The following OPA1 variants were observed in gnomAD, a reference collection of about 807,000 sequenced individuals.
OPA1 encodes OPA1 mitochondrial dynamin like GTPase, also known as dynamin-like GTPase OPA1, mitochondrial.
A neutral mutation model predicts 152.9 loss-of-function variants in OPA1; 59 were observed. The ratio of observed to expected loss-of-function variants is 0.39; its 90% CI spans 0.31 to 0.48. The LOEUF is 0.48. Among genes scored for constraint, OPA1 ranks in the 20% least tolerant of loss-of-function variants. OPA1 has a pLI of 0.96. For missense variants in OPA1, 1,008 were observed against 1,216.8 expected, an observed-to-expected ratio of 0.83 and a Z score of 2.55; for synonymous variants, 400 against 389.9, an observed-to-expected ratio of 1.03 and a Z score of -0.31.
intron 1 of OPA1, among the ~76,000 whole-genome samples, chr3:193,596,184 T>G (rs1320275618): frequency 7.0e-6 from 1 of 143,696 alleles, no homozygotes; most frequent in African/African-American, 2.6e-5. Flanking sequence ...AACTTTCCTC[T>G]TATGTTTTTC....
chr3:193,688,299 C>A lies in OPA1; in HGVS notation c.2984-3764C>A, dbSNP rs201387094. ...CCTGTATTGTTCTCCAGGGGCTTCTCCAAGTGTGCGTCAATTTAGTCTTCT... is the reference window on the plus strand; with the variant it reads ...CCTGTATTGTTCTCCAGGGGCTTCTACAAGTGTGCGTCAATTTAGTCTTCT... On this transcript the variant is annotated intron_variant, in intron 29 of 30. Transcript: ENST00000361510. Among the ~76,000 whole-genome samples the A allele has an allele frequency of 2.6e-5, 4 of 152,066 alleles. No individual in the cohort carries two copies. In the East Asian group the frequency reaches 7.7e-4, roughly 29 times the overall value.
At chr3:193,683,014 G>T (rs963491466) in intron 29 of OPA1, among the ~76,000 whole-genome samples, 3 of 152,076 alleles carry the variant, frequency 2.0e-5, no homozygotes, top group African/African-American at 7.2e-5. Flanking sequence ...CTTCTGGAAA[G>T]GACTCACCAT....
intron 29 of OPA1, chr3:193,668,621 G>T (rs1224219082): frequency 6.5e-7 from 1 of 1,531,386 alleles, no homozygotes; most frequent in East Asian, 2.5e-5. Flanking sequence ...CCTGCACCAG[G>T]CCACCCTCCT....
At chr3:193,644,538 C>T (rs1223497822) in intron 16 of OPA1, among the ~76,000 whole-genome samples, 1 of 151,362 alleles carries the variant, frequency 6.6e-6, no homozygotes, top group Non-Finnish European at 1.5e-5. Flanking sequence ...GTGTAGGGAA[C>T]TGTTTACCAG....
At chr3:193,668,193 A>G (rs1409789022) in intron 29 of OPA1, 8 of 666,350 alleles carry the variant, frequency 1.2e-5, no homozygotes, top group Non-Finnish European at 1.8e-5. Flanking sequence ...CCCTTTCGAT[A>G]TTTGTCACTT....
chr3:193,684,333 T>C (rs1216979643), intron 29 of OPA1, among the ~76,000 whole-genome samples: 1 of 152,054 alleles, frequency 6.6e-6, no homozygotes, highest in Non-Finnish European at 1.5e-5. Flanking sequence ...CTCCATACAG[T>C]CTCCCATAAA....
At chr3:193,646,303 G>T (rs917938859) in intron 18 of OPA1, among the ~76,000 whole-genome samples, 1 of 152,194 alleles carries the variant, frequency 6.6e-6, no homozygotes, top group Non-Finnish European at 1.5e-5. Context: ...TCCTAGGTTA[G>T]TACGGTAAGT....
At chr3:193,612,264 C>A (rs982728263) in intron 1 of OPA1, among the ~76,000 whole-genome samples, 2 of 127,886 alleles carry the variant, frequency 1.6e-5, no homozygotes, top group Non-Finnish European at 3.2e-5. Context: ...ATCTGTCTAA[C>A]TTCCTTTTTT....
At chr3:193,672,638 G>A (rs903290318) in intron 29 of OPA1, among the ~76,000 whole-genome samples, 2 of 152,150 alleles carry the variant, frequency 1.3e-5, no homozygotes, top group South Asian at 2.1e-4. Context: ...GGAGGCCGAG[G>A]CGGGTGGATC....
intron 1 of OPA1, among the ~76,000 whole-genome samples, chr3:193,594,086 T>G (rs1328008793): frequency 3.3e-5 from 5 of 152,206 alleles, no homozygotes; most frequent in African/African-American, 1.2e-4. Flanking sequence ...ATTGTTGCCC[T>G]GGGGTGGTTT....
Position 193,659,532 on chromosome 3 carries a change from T to C in OPA1, c.2491T>C (p.Leu831=). 6.2e-7 allele frequency: 1 copy of C among 1,612,328 alleles called. No individual in the cohort carries two copies. The highest frequency in any genetic ancestry group is 8.5e-7 in the Non-Finnish European group (1 of 1,178,998). Residue 831 remains leucine, a synonymous_variant, in exon 25 of 31, where the codon TTA becomes CTA. Transcript: ENST00000361510. ...GGGTCCAGACTGGAAAAAGAGGTGG[T>C]TATACTGGAAGAATCGGACCCAAGA... ...MVGPDWKKRW[L]YWKNRTQEQC...
At chr3:193,594,587 C>T (rs1577099705) in intron 1 of OPA1, among the ~76,000 whole-genome samples, 1 of 152,132 alleles carries the variant, frequency 6.6e-6, no homozygotes, top group Non-Finnish European at 1.5e-5. Flanking sequence ...GGGGTTTCAC[C>T]ATTTTGGCCA....
At chr3:193,632,248 G>A (rs1042964758) in intron 8 of OPA1, among the ~76,000 whole-genome samples, 5 of 152,194 alleles carry the variant, frequency 3.3e-5, no homozygotes, top group African/African-American at 4.8e-5. Flanking sequence ...TTGGGAGGCC[G>A]AAGTGGGCGG....
chr3:193,644,217 A>G (rs1317776255), intron 16 of OPA1, 112 bp downstream of exon 16: 1 of 1,252,880 alleles, frequency 8.0e-7, no homozygotes, highest in Non-Finnish European at 1.1e-6. Flanking sequence ...CCTTACAACT[A>G]AGATTTATTA....
At chr3:193,648,989 A>G (rs1338175655) in intron 21 of OPA1, 118 bp downstream of exon 21, 2 of 715,964 alleles carry the variant, frequency 2.8e-6, no homozygotes, top group East Asian at 2.7e-5. Context: ...ATAGGCAAAA[A>G]CGTAATAGTA....
rs1224702569 is a variant in OPA1 at position 193,593,413 on chromosome 3, A to G, written c.32+4A>G. On this transcript the variant is annotated splice_donor_region_variant and intron_variant, in intron 1 of 30. Transcript: ENST00000361510. Reference sequence around the variant, plus strand: ...TACGTCGGGCCGCTGTGGCCTGGTAAGTGCAGGCTCTAATCTGGCCCCGTT... The same window carrying G: ...TACGTCGGGCCGCTGTGGCCTGGTAGGTGCAGGCTCTAATCTGGCCCCGTT... 1 of 1,545,802 alleles carries G rather than the reference A, an allele frequency of 6.5e-7. No individual in the cohort carries two copies. The highest frequency in any genetic ancestry group is 1.2e-5 in the South Asian group (1 of 83,454).
intron 1 of OPA1, among the ~76,000 whole-genome samples, chr3:193,598,920 G>A (rs1016027159): frequency 3.2e-4 from 48 of 152,222 alleles, no homozygotes; most frequent in Admixed American, 2.7e-3. Flanking sequence ...GCTAAACGTT[G>A]TGGAACCATG....
chr3:193,615,074 A>G (rs1728808648), intron 2 of OPA1, 33 bp downstream of exon 2: 1 of 1,498,714 alleles, frequency 6.7e-7, no homozygotes, highest in South Asian at 1.1e-5. Context: ...TTTTCCAATT[A>G]TTATATCATG....
chr3:193,648,020 A>G (rs1406756238), intron 19 of OPA1, 50 bp from the exon 20 acceptor site: 20 of 1,329,286 alleles, frequency 1.5e-5, no homozygotes, highest in Non-Finnish European at 2.0e-5. Flanking sequence ...TAACCACTAC[A>G]TCTGGAAAGA....
Sources: gnomAD v4.1 joint callset for allele counts (sites outside exome capture counted in the v4.1 genomes callset) on GRCh38, gnomAD v4.1.1 for gene constraint, MANE v1.5 for transcripts, NCBI Gene and HGNC (gene_info 2026-07-23, HGNC 2026-07-21) for gene names.